Variants in COX7B2 observed in about 807,000 individuals in gnomAD.
COX7B2 encodes the protein cytochrome c oxidase subunit 7B2, also known as cytochrome c oxidase subunit 7B2, mitochondrial.
For missense variants in COX7B2, 109 were observed against 95.9 expected, an observed-to-expected ratio of 1.14 and a Z score of -0.57; for synonymous variants, 37 against 32.1, an observed-to-expected ratio of 1.15 and a Z score of -0.51.
chr4:46,744,050 A>C (rs1478352753), intron 2 of COX7B2, among the ~76,000 whole-genome samples: 1 of 152,152 alleles, frequency 6.6e-6, no homozygotes, highest in Non-Finnish European at 1.5e-5. Flanking sequence ...GGCAGTTTTA[A>C]TATTTGTGCA....
At chr4:46,769,395 G>A (rs1331149003) in intron 2 of COX7B2, among the ~76,000 whole-genome samples, 2 of 152,132 alleles carry the variant, frequency 1.3e-5, no homozygotes, top group African/African-American at 4.8e-5. Context: ...ATGCAACAAT[G>A]GTTCAATGTC....
intron 2 of COX7B2, among the ~76,000 whole-genome samples, chr4:46,802,997 G>C (rs190814989): frequency 1.2e-4 from 19 of 152,282 alleles, no homozygotes; most frequent in Admixed American, 5.9e-4. Context: ...ATTACCATTA[G>C]GGGATCCTGA....
intron 2 of COX7B2, among the ~76,000 whole-genome samples, chr4:46,826,639 A>G (rs1714712683): frequency 6.6e-6 from 1 of 152,212 alleles, no homozygotes; most frequent in South Asian, 2.1e-4. Flanking sequence ...GATTGGATAA[A>G]GAAAATGTGG....
intron 2 of COX7B2, among the ~76,000 whole-genome samples, chr4:46,835,965 T>C (rs1175739392): frequency 1.3e-5 from 2 of 152,068 alleles, no homozygotes; most frequent in Admixed American, 1.3e-4. Flanking sequence ...CCTAAACATG[T>C]CCAAACATAG....
At chr4:46,883,091 AT>A (rs1366900558) in intron 1 of COX7B2, among the ~76,000 whole-genome samples, 1 of 152,222 alleles carries the variant, frequency 6.6e-6, no homozygotes, top group Non-Finnish European at 1.5e-5. Flanking sequence ...TTTAATGAAA[AT>A]AATCAAAACC....
intron 2 of COX7B2, among the ~76,000 whole-genome samples, chr4:46,780,691 G>A (rs1389349344): frequency 1.3e-5 from 2 of 151,950 alleles, no homozygotes; most frequent in Non-Finnish European, 2.9e-5. Context: ...TAATTGCTAT[G>A]GCTTTTTTAC....
intron 2 of COX7B2, among the ~76,000 whole-genome samples, chr4:46,807,882 G>A (rs1719085509): frequency 6.6e-6 from 1 of 151,758 alleles, no homozygotes; most frequent in South Asian, 2.1e-4. Context: ...ACTGGTCCAT[G>A]TATCTGTTTT....
intron 2 of COX7B2, among the ~76,000 whole-genome samples, chr4:46,788,889 T>G (rs1416849554): frequency 6.6e-6 from 1 of 152,182 alleles, no homozygotes. Context: ...ACAAAATTAT[T>G]TATCCTCAGG....
At chr4:46,825,374 A>G (rs1714613639) in intron 2 of COX7B2, among the ~76,000 whole-genome samples, 1 of 152,120 alleles carries the variant, frequency 6.6e-6, no homozygotes, top group African/African-American at 2.4e-5. Context: ...TGCTCAACTA[A>G]ATCATAAAAG....
chr4:46,766,079 C>A (rs1716517741), intron 2 of COX7B2, among the ~76,000 whole-genome samples: 1 of 152,102 alleles, frequency 6.6e-6, no homozygotes. Context: ...GACCCTGTTT[C>A]CAACACAAAG....
intron 1 of COX7B2, among the ~76,000 whole-genome samples, chr4:46,865,951 C>T (rs1269460522): frequency 1.3e-5 from 2 of 152,252 alleles, no homozygotes; most frequent in African/African-American, 2.4e-5. Flanking sequence ...ACCTAACTTC[C>T]TCCACCACTG....
rs144907495 is a variant in COX7B2, at chr4:46,858,323, T to C, written c.-104-13309A>G. Among the ~76,000 whole-genome samples, 179 of 152,206 alleles carry C rather than the reference T, an allele frequency of 1.2e-3. 2 individuals carry two copies. The East Asian group carries it at 0.026, about 22-fold the overall frequency. ...ATTGGCCATGCTGGTCTCAAACTCCTTCCCTCAAGTGATCCTCCTGCCTCG... is the reference window on the plus strand; with the variant it reads ...ATTGGCCATGCTGGTCTCAAACTCCCTCCCTCAAGTGATCCTCCTGCCTCG... On this transcript the variant is annotated intron_variant, in intron 1 of 2. Transcript: ENST00000355591.
chr4:46,816,701 A>G (rs1247443986), intron 2 of COX7B2, among the ~76,000 whole-genome samples: 2 of 152,218 alleles, frequency 1.3e-5, no homozygotes, highest in African/African-American at 4.8e-5. Flanking sequence ...TGCTGCAAAT[A>G]ATAAAGGAAT....
intron 2 of COX7B2, among the ~76,000 whole-genome samples, chr4:46,762,449 A>C (rs1716237985): frequency 1.5e-5 from 2 of 137,680 alleles, no homozygotes; most frequent in African/African-American, 2.7e-5. Flanking sequence ...CTGTATATAT[A>C]TACTATATAT....
At chr4:46,771,097 A>G (rs1321509673) in intron 2 of COX7B2, among the ~76,000 whole-genome samples, 1 of 152,218 alleles carries the variant, frequency 6.6e-6, no homozygotes, top group Non-Finnish European at 1.5e-5. Flanking sequence ...ATATATAAGG[A>G]ACTCAAATAA....
Position 46,751,028 on chromosome 4 carries a change from T to A in COX7B2, c.-49-15787A>T, listed in dbSNP as rs537280405. On this transcript the variant is annotated intron_variant, in intron 2 of 2. Transcript: ENST00000355591. ...ACAATGAACTATAAAGCTTTCATGGTCCTTGACAACTTAATCAGCAACATT... is the reference window on the plus strand; with the variant it reads ...ACAATGAACTATAAAGCTTTCATGGACCTTGACAACTTAATCAGCAACATT... Among the ~76,000 whole-genome samples, 5 of 152,302 alleles carry A rather than the reference T, an allele frequency of 3.3e-5. No homozygotes were observed. The South Asian group carries it at 1.0e-3, about 32-fold the overall frequency.
chr4:46,848,659 A>C (rs1716455855), intron 1 of COX7B2, among the ~76,000 whole-genome samples: 2 of 152,088 alleles, frequency 1.3e-5, no homozygotes, highest in Non-Finnish European at 2.9e-5. Flanking sequence ...GTAGGATTTA[A>C]AAAATAGCGT....
chr4:46,875,797 A>C (rs967226442), intron 1 of COX7B2, among the ~76,000 whole-genome samples: 3 of 151,586 alleles, frequency 2.0e-5, no homozygotes, highest in Non-Finnish European at 4.4e-5. Context: ...TACTTTTTCC[A>C]TCTCTTCACC....
In COX7B2 at chr4:46,787,520, C is replaced by T. The variant is rs574329051; in HGVS notation, c.-49-52279G>A. Among the ~76,000 whole-genome samples, 217 of 151,986 alleles carry T rather than the reference C, an allele frequency of 1.4e-3. 1 individual carries two copies. The highest frequency in any genetic ancestry group is 4.5e-3 in the African/African-American group (185 of 41,470). On this transcript the variant is annotated intron_variant, in intron 2 of 2. Transcript: ENST00000355591. ...ACCTCATTTGGTACTTTCACCAGAA[C>T]GGCTGGCACACTGTAGGTGCTCAAT...
Sources: gnomAD v4.1 joint callset for allele counts (sites outside exome capture counted in the v4.1 genomes callset) on GRCh38, gnomAD v4.1.1 for gene constraint, MANE v1.5 for transcripts, NCBI Gene and HGNC (gene_info 2026-07-23, HGNC 2026-07-21) for gene names.